SUSD3: variants seen among roughly 807,000 people sequenced by gnomAD.
The protein encoded by SUSD3 is sushi domain containing 3.
A neutral mutation model predicts 20.6 loss-of-function variants in SUSD3; 18 were observed. That is an observed-to-expected ratio of 0.87 (90% CI 0.60 to 1.30). The LOEUF is 1.30. Among genes scored for constraint, SUSD3 ranks in the 50% most tolerant of loss-of-function variants. The pLI is 0.00. For missense variants in SUSD3, 306 were observed against 346.9 expected, an observed-to-expected ratio of 0.88 and a Z score of 0.94; for synonymous variants, 137 against 141.5, an observed-to-expected ratio of 0.97 and a Z score of 0.23.
At chr9:93,075,731 T>TGGGGGGGGGGGGGGGGGGGGG in intron 1 of SUSD3, 53 bp from the exon 2 acceptor site, 6 of 398,888 alleles carry the variant, frequency 1.5e-5, no homozygotes, top group East Asian at 4.8e-5. Flanking sequence ...AGCCCTGCCC[T>TGGGGGGGGGGGGGGGGGGGGG]GCGTGCCCAC....
chr9:93,062,192 A>C (rs1399424311), intron 1 of SUSD3, among the ~76,000 whole-genome samples: 1 of 152,240 alleles, frequency 6.6e-6, no homozygotes, highest in Non-Finnish European at 1.5e-5. Context: ...CAGGCGCGGC[A>C]TGTGGGCTGA....
intron 3 of SUSD3, 28 bp downstream of exon 3, chr9:93,078,021 C>T (rs1040495056): frequency 1.2e-6 from 2 of 1,613,776 alleles, no homozygotes; most frequent in African/African-American, 2.7e-5. Context: ...TCTCAGGGTC[C>T]TCCCGGGAGG....
At chr9:93,062,104 C>A (rs989065282) in intron 1 of SUSD3, among the ~76,000 whole-genome samples, 6 of 152,220 alleles carry the variant, frequency 3.9e-5, no homozygotes, top group Admixed American at 2.6e-4. Context: ...AGAATCCACC[C>A]GGTCAGGCTT....
intron 4 of SUSD3, among the ~76,000 whole-genome samples, chr9:93,079,956 T>TTC (rs1428389366): frequency 6.6e-6 from 1 of 152,114 alleles, no homozygotes; most frequent in Non-Finnish European, 1.5e-5. Flanking sequence ...TCCCTCTCCT[T>TTC]TCTCTCTCTC....
At chr9:93,076,025 A>C in intron 2 of SUSD3, 53 bp downstream of exon 2, 4 of 1,472,544 alleles carry the variant, frequency 2.7e-6, no homozygotes, top group Non-Finnish European at 3.7e-6. Flanking sequence ...ATGGCCCCAA[A>C]TCCTGTCATG....
intron 1 of SUSD3, among the ~76,000 whole-genome samples, chr9:93,069,777 CTT>C: frequency 6.8e-6 from 1 of 147,454 alleles, no homozygotes; most frequent in African/African-American, 2.5e-5. Flanking sequence ...TTACTTCTTC[CTT>C]TTTTTTTTCT....
chr9:93,066,890 TAGAG>T (rs1825738549), intron 1 of SUSD3, among the ~76,000 whole-genome samples: 2 of 152,068 alleles, frequency 1.3e-5, no homozygotes, highest in South Asian at 4.1e-4. Flanking sequence ...GTATTCTTAG[TAGAG>T]ATGGGGTTTC....
At chr9:93,073,103 C>A (rs1353427040) in intron 1 of SUSD3, among the ~76,000 whole-genome samples, 1 of 152,136 alleles carries the variant, frequency 6.6e-6, no homozygotes, top group Non-Finnish European at 1.5e-5. Context: ...CCTGCCATCA[C>A]CCCCATCTCT....
chr9:93,077,830 G>T lies in SUSD3; in HGVS notation c.278-16G>T. 1 of 1,613,938 alleles carries T rather than the reference G, an allele frequency of 6.2e-7. No individual in the cohort carries two copies. Among genetic ancestry groups the T allele is most frequent in the Non-Finnish European group, 8.5e-7 (1 of 1,179,884 alleles). ...GGCAAACCTCGCCCAGGAGCTGGTG[G>T]TTGTCTCCCACACAGTGGTGCCACC... On this transcript the variant is annotated splice_polypyrimidine_tract_variant and intron_variant, in intron 2 of 4. Coordinates refer to ENST00000375472, the MANE Select transcript of SUSD3 (RefSeq NM_145006.4).
Position 93,073,795 on chromosome 9 carries a change from C to G in SUSD3, c.89-1989C>G, listed in dbSNP as rs555439532. 9.1e-4 allele frequency among the ~76,000 whole-genome samples: 138 copies of G among 152,304 alleles called. 2 individuals carry two copies. The Middle Eastern group carries it at 0.044, about 49-fold the overall frequency. ...CACTGCTGTGAAAAGTAACCAGCTG[C>G]TGATATATGCATAGCACAACGACTC... On this transcript the variant is annotated intron_variant, in intron 1 of 4. Transcript: ENST00000375472.
At chr9:93,058,916 G>A in intron 1 of SUSD3, 86 bp downstream of exon 1, 7 of 794,428 alleles carry the variant, frequency 8.8e-6, no homozygotes, top group African/African-American at 1.8e-5. Flanking sequence ...TCGCGGGGCC[G>A]CACAGCCGTG....
chr9:93,058,950 G>T, intron 1 of SUSD3, 120 bp downstream of exon 1: 2 of 550,690 alleles, frequency 3.6e-6, no homozygotes, highest in Non-Finnish European at 5.5e-6. Context: ...GCAACGATCT[G>T]CCCCGAGGAC....
intron 1 of SUSD3, among the ~76,000 whole-genome samples, chr9:93,066,141 G>A (rs1290736485): frequency 3.3e-5 from 5 of 152,200 alleles, no homozygotes; most frequent in Non-Finnish European, 5.9e-5. Flanking sequence ...ACCGCCCCTA[G>A]AAATTGTGCA....
intron 4 of SUSD3, 101 bp from the exon 5 acceptor site, chr9:93,084,436 C>G: frequency 8.8e-7 from 1 of 1,130,550 alleles, no homozygotes; most frequent in South Asian, 1.6e-5. Flanking sequence ...GCAGCAGTTG[C>G]CCCAGGCCCA....
At chr9:93,075,995 G>C in intron 2 of SUSD3, 23 bp downstream of exon 2, 8 of 1,561,952 alleles carry the variant, frequency 5.1e-6, no homozygotes, top group Non-Finnish European at 7.0e-6. Context: ...CTCTCAGCTC[G>C]GTGGCTCTGG....
intron 1 of SUSD3, among the ~76,000 whole-genome samples, chr9:93,070,853 G>T (rs1825883793): frequency 2.0e-5 from 3 of 152,234 alleles, no homozygotes; most frequent in Admixed American, 2.0e-4. Flanking sequence ...GCTCAGCACA[G>T]AGTAGAGCCT....
At chr9:93,068,838 C>A (rs1825812899) in intron 1 of SUSD3, among the ~76,000 whole-genome samples, 1 of 152,004 alleles carries the variant, frequency 6.6e-6, no homozygotes, top group Non-Finnish European at 1.5e-5. Context: ...TCCAGGACCC[C>A]TCAGTGCATG....
At position 93,063,393 on chromosome 9, in the gene SUSD3, C is replaced by T. The variant is rs558590769; in HGVS notation, c.88+4563C>T. ...GCGGGCAAGTCACCAGTTTTGCAGA[C>T]GGGGAAGTTGAGGCTGAGCCAGGTG... is the stretch of plus-strand genomic sequence containing the variant. On this transcript the variant is annotated intron_variant, in intron 1 of 4. Transcript: ENST00000375472. Among the ~76,000 whole-genome samples the T allele has an allele frequency of 2.3e-3, 350 of 152,292 alleles. 2 individuals are homozygous for T. Among genetic ancestry groups the T allele is most frequent in the East Asian group, 4.4e-3 (23 of 5,184 alleles).
At chr9:93,060,077 G>A (rs1316692298) in intron 1 of SUSD3, among the ~76,000 whole-genome samples, 1 of 152,210 alleles carries the variant, frequency 6.6e-6, no homozygotes, top group Non-Finnish European at 1.5e-5. Flanking sequence ...CTTGCCCAAG[G>A]TCAGCCCAAG....
Sources: gnomAD v4.1 joint callset for allele counts (sites outside exome capture counted in the v4.1 genomes callset) on GRCh38, gnomAD v4.1.1 for gene constraint, MANE v1.5 for transcripts, NCBI Gene and HGNC (gene_info 2026-07-23, HGNC 2026-07-21) for gene names.